CBLB: variants seen among roughly 807,000 people sequenced by gnomAD.
CBLB encodes Cbl proto-oncogene B, also known as E3 ubiquitin-protein ligase CBL-B.
CBLB carries 31 observed loss-of-function variants against 104.9 expected under a neutral mutation model. The ratio of observed to expected loss-of-function variants is 0.30; its 90% CI spans 0.22 to 0.40. The LOEUF is 0.40. Ranked by LOEUF, CBLB falls within the 10% of genes least tolerant of loss-of-function variation. The pLI is 1.00. For synonymous variants in CBLB, 440 were observed against 422.6 expected (o/e 1.04, Z -0.51); for missense variants, 1,062 against 1,214.6 (o/e 0.87, Z 1.87).
chr3:105,722,005 C>A (rs887883814), intron 9 of CBLB, among the ~76,000 whole-genome samples: 4 of 151,634 alleles, frequency 2.6e-5, no homozygotes, highest in Admixed American at 1.3e-4. Context: ...CCAGCCTGGG[C>A]AACATAGCAA....
At chr3:105,818,199 AATGT>A (rs1272495348) in intron 3 of CBLB, among the ~76,000 whole-genome samples, 4 of 152,192 alleles carry the variant, frequency 2.6e-5, no homozygotes, top group Non-Finnish European at 5.9e-5. Context: ...GTAATAATAA[AATGT>A]ATTTATAGGT....
At chr3:105,838,667 CTTTT>C (rs58426302) in intron 3 of CBLB, among the ~76,000 whole-genome samples, 1 of 137,354 alleles carries the variant, frequency 7.3e-6, no homozygotes. Context: ...ATGTATCCTT[CTTTT>C]TTTTTTTTTT....
At chr3:105,690,444 C>G (rs1273115963) in intron 13 of CBLB, among the ~76,000 whole-genome samples, 2 of 152,152 alleles carry the variant, frequency 1.3e-5, no homozygotes, top group Non-Finnish European at 2.9e-5. Flanking sequence ...AAAGCTGAAT[C>G]TCAAAAGGAT....
rs943304097 is a variant in CBLB at position 105,802,745 on chromosome 3, T to C, written c.420-26203A>G. Among the ~76,000 whole-genome samples the C allele has an allele frequency of 2.0e-5, 3 of 152,218 alleles. No homozygotes were observed. In the South Asian group the frequency reaches 6.2e-4, roughly 32 times the overall value. ...CTATTGAAGCAGCTCACACATTTTA[T>C]AGTCATCAGTGGATTCAACTACTTA... On this transcript the variant is annotated intron_variant, in intron 3 of 18. Coordinates refer to ENST00000394030, the MANE Select transcript of CBLB (RefSeq NM_170662.5).
intron 12 of CBLB, among the ~76,000 whole-genome samples, chr3:105,695,174 T>C (rs2068196080): frequency 1.3e-5 from 2 of 151,856 alleles, no homozygotes; most frequent in Non-Finnish European, 3.0e-5. Context: ...GGATTTTATA[T>C]GCAATAGTTT....
chr3:105,711,163 G>C (rs1298122965), intron 10 of CBLB, among the ~76,000 whole-genome samples: 2 of 151,944 alleles, frequency 1.3e-5, no homozygotes, highest in Non-Finnish European at 2.9e-5. Context: ...TAAGATGAGA[G>C]TTCTGACAGT....
intron 9 of CBLB, among the ~76,000 whole-genome samples, chr3:105,727,123 A>T (rs572754829): frequency 6.6e-6 from 1 of 152,192 alleles, no homozygotes; most frequent in African/African-American, 2.4e-5. Context: ...TTGAGGAATC[A>T]CCACACCATC....
At chr3:105,696,043 T>C (rs971200786) in intron 12 of CBLB, among the ~76,000 whole-genome samples, 3 of 151,526 alleles carry the variant, frequency 2.0e-5, no homozygotes, top group African/African-American at 7.3e-5. Flanking sequence ...ATATATGTTA[T>C]ATATATACAC....
intron 2 of CBLB, among the ~76,000 whole-genome samples, chr3:105,858,987 A>G (rs548963186): frequency 3.2e-4 from 49 of 152,340 alleles, no homozygotes; most frequent in African/African-American, 1.2e-3. Flanking sequence ...ATATTCAACC[A>G]TATCAAAGCA....
intron 10 of CBLB, among the ~76,000 whole-genome samples, chr3:105,707,269 T>A (rs1414347744): frequency 6.6e-6 from 1 of 152,212 alleles, no homozygotes; most frequent in Non-Finnish European, 1.5e-5. Flanking sequence ...TACTGTGTTC[T>A]GAAGGTGATT....
In CBLB at chr3:105,664,915, C is replaced by T. The variant is rs546952268; in HGVS notation, c.2689+5318G>A. 1.6e-4 allele frequency among the ~76,000 whole-genome samples: 24 copies of T among 152,162 alleles called. No homozygotes were observed. In the East Asian group the frequency reaches 3.7e-3, roughly 23 times the overall value. On this transcript the variant is annotated intron_variant, in intron 18 of 18. Coordinates refer to ENST00000394030, the MANE Select transcript of CBLB (RefSeq NM_170662.5). Reference sequence around the variant, plus strand: ...AACATCTCCAAACTCAGTCTGGAGACGTGAGATGCATGTGTACATTTTTTT... The same window carrying T: ...AACATCTCCAAACTCAGTCTGGAGATGTGAGATGCATGTGTACATTTTTTT...
chr3:105,734,850 A>C (rs1421411867), intron 8 of CBLB, among the ~76,000 whole-genome samples: 1 of 152,250 alleles, frequency 6.6e-6, no homozygotes, highest in Non-Finnish European at 1.5e-5. Flanking sequence ...ATTTTATTAA[A>C]ACTGCAATGT....
chr3:105,690,961 T>C (rs2067616875), intron 13 of CBLB, among the ~76,000 whole-genome samples: 1 of 151,944 alleles, frequency 6.6e-6, no homozygotes, highest in African/African-American at 2.4e-5. Flanking sequence ...TTAAGAAAAA[T>C]GCTTATGATA....
At chr3:105,683,037 A>G (rs2066512947) in intron 14 of CBLB, among the ~76,000 whole-genome samples, 1 of 111,250 alleles carries the variant, frequency 9.0e-6, no homozygotes, top group Non-Finnish European at 2.0e-5. Context: ...GAAGAGACGG[A>G]TATTTGAATA....
rs549092982 is a variant in CBLB at position 105,658,866 on chromosome 3, G to A, written c.*104C>T. The A allele has an allele frequency of 1.5e-5, 19 of 1,259,330 alleles. No individual in the cohort carries two copies. The highest frequency in any genetic ancestry group is 2.5e-5 in the South Asian group (2 of 79,040). 78.0% of individuals were successfully genotyped at this position (1,259,330 alleles called of 1,614,324 possible). A position where few individuals can be genotyped will look rare whatever the true frequency, so the allele number is the denominator to read the frequency against. ...CAAGCCTCTTCTCAAGCTGCTACACGAGGAGGAGACACTTCTCTCTTGAAT... is the reference window on the plus strand; with the variant it reads ...CAAGCCTCTTCTCAAGCTGCTACACAAGGAGGAGACACTTCTCTCTTGAAT... On this transcript the variant is annotated 3_prime_UTR_variant, in exon 19 of 19. Coordinates refer to ENST00000394030, the MANE Select transcript of CBLB (RefSeq NM_170662.5).
At chr3:105,735,291 G>A (rs1560013538) in intron 8 of CBLB, among the ~76,000 whole-genome samples, 1 of 152,030 alleles carries the variant, frequency 6.6e-6, no homozygotes, top group Non-Finnish European at 1.5e-5. Context: ...GGAACTTAAG[G>A]AAAGAGACGA....
chr3:105,737,038 ACT>A (rs2075026484), intron 8 of CBLB, 131 bp downstream of exon 8: 1 of 431,302 alleles, frequency 2.3e-6, no homozygotes, highest in Admixed American at 3.9e-5. Flanking sequence ...CTCCTTAAAC[ACT>A]CTTAGAATTC....
intron 3 of CBLB, among the ~76,000 whole-genome samples, chr3:105,818,679 C>G (rs984369626): frequency 2.6e-5 from 4 of 152,052 alleles, no homozygotes; most frequent in African/African-American, 7.2e-5. Context: ...GTTTACGTAA[C>G]TCTAAACACA....
chr3:105,683,339 T>C (rs2066562662), intron 14 of CBLB, among the ~76,000 whole-genome samples: 1 of 152,204 alleles, frequency 6.6e-6, no homozygotes, highest in South Asian at 2.1e-4. Flanking sequence ...ACTTCATCCA[T>C]CAGCTTTCAA....
Sources: allele counts gnomAD v4.1 joint callset (sites outside exome capture counted in the v4.1 genomes callset), GRCh38; gene constraint gnomAD v4.1.1; transcripts MANE v1.5; gene names NCBI Gene and HGNC (gene_info 2026-07-23, HGNC 2026-07-21).